Variants in CCDC141 observed in about 807,000 individuals in gnomAD.
The protein encoded by CCDC141 is coiled-coil domain-containing protein 141.
Under a neutral mutation model 181.0 loss-of-function variants are expected in CCDC141, and 168 were observed. That is an observed-to-expected ratio of 0.93 (90% CI 0.82 to 1.05). The LOEUF (loss-of-function observed/expected upper bound fraction) is 1.05. Ranked by LOEUF, CCDC141 falls within the 50% of genes least tolerant of loss-of-function variation. The pLI, the probability that CCDC141 is intolerant of heterozygous loss-of-function variation, is 0.00. For missense variants in CCDC141, 1,902 were observed against 1,788.5 expected, an observed-to-expected ratio of 1.06 and a Z score of -1.14; for synonymous variants, 666 against 642.3, an observed-to-expected ratio of 1.04 and a Z score of -0.56.
chr2:179,023,036 G>A (rs2042731766), intron 2 of CCDC141, among the ~76,000 whole-genome samples: 1 of 152,146 alleles, frequency 6.6e-6, no homozygotes, highest in Admixed American at 6.5e-5. Flanking sequence ...TGGGTATGGG[G>A]AATCGCACAA....
At position 178,841,668 on chromosome 2, in the gene CCDC141, G is replaced by T. The variant is rs138498242; in HGVS notation, c.3475-3924C>A. Among the ~76,000 whole-genome samples the T allele has an allele frequency of 9.9e-5, 15 of 152,166 alleles. No homozygotes were observed. The East Asian group carries it at 2.7e-3, about 27-fold the overall frequency. On this transcript the variant is annotated intron_variant, in intron 22 of 23. Coordinates refer to ENST00000443758, the MANE Select transcript of CCDC141 (RefSeq NM_173648.4). ...TATTCTCATTTTTATTTTTGAGATG[G>T]AGTTTCACTTTTGTTGCCAAGACTG...
intron 2 of CCDC141, among the ~76,000 whole-genome samples, chr2:179,019,025 C>T (rs111847325): frequency 4.6e-5 from 7 of 152,256 alleles, no homozygotes; most frequent in African/African-American, 1.7e-4. Context: ...GACCATGGCC[C>T]TCTTCTTTGG....
chr2:178,911,264 G>C (rs1163761491), intron 7 of CCDC141, among the ~76,000 whole-genome samples: 1 of 152,178 alleles, frequency 6.6e-6, no homozygotes, highest in African/African-American at 2.4e-5. Context: ...AGCAATTAGT[G>C]AGTGCTTAGC....
chr2:178,950,584 C>T (rs963982742), intron 5 of CCDC141, among the ~76,000 whole-genome samples: 1 of 152,056 alleles, frequency 6.6e-6, no homozygotes, highest in Admixed American at 6.6e-5. Context: ...CATTTTTAGA[C>T]GTATTCTGGG....
At chr2:178,865,338 C>G (rs1269350967) in intron 17 of CCDC141, among the ~76,000 whole-genome samples, 1 of 152,154 alleles carries the variant, frequency 6.6e-6, no homozygotes, top group Non-Finnish European at 1.5e-5. Context: ...GTCAATGACC[C>G]TTAAATAGAA....
intron 5 of CCDC141, among the ~76,000 whole-genome samples, chr2:178,951,914 C>T (rs1219767924): frequency 6.6e-6 from 1 of 152,190 alleles, no homozygotes; most frequent in African/African-American, 2.4e-5. Flanking sequence ...CCCTTACCAA[C>T]CGACTTGGGG....
At chr2:178,871,204 T>G (rs1686104923) in intron 14 of CCDC141, among the ~76,000 whole-genome samples, 1 of 152,208 alleles carries the variant, frequency 6.6e-6, no homozygotes, top group African/African-American at 2.4e-5. Context: ...TATAAAAATC[T>G]ATTTAGGACA....
intron 8 of CCDC141, among the ~76,000 whole-genome samples, chr2:178,892,667 C>G (rs923813160): frequency 6.6e-6 from 1 of 152,130 alleles, no homozygotes; most frequent in Non-Finnish European, 1.5e-5. Context: ...TCCTCAGCAC[C>G]TGAACGGCAG....
At chr2:178,840,949 A>G (rs938677568) in intron 22 of CCDC141, among the ~76,000 whole-genome samples, 1 of 152,224 alleles carries the variant, frequency 6.6e-6, no homozygotes, top group East Asian at 1.9e-4. Flanking sequence ...CCCATTAAAC[A>G]TGTTTGTTTC....
At chr2:178,845,787 G>T in intron 21 of CCDC141, 45 bp from the exon 22 acceptor site, 1 of 1,136,398 alleles carries the variant, frequency 8.8e-7, no homozygotes, top group South Asian at 1.2e-5. Flanking sequence ...AGGAAAGTTG[G>T]AGAACAGTGC....
intron 2 of CCDC141, among the ~76,000 whole-genome samples, chr2:179,033,509 G>A (rs1016420756): frequency 3.9e-5 from 6 of 151,966 alleles, no homozygotes; most frequent in African/African-American, 9.7e-5. Flanking sequence ...GTTACCTTCT[G>A]GACAGAATAC....
chr2:178,980,425 G>A (rs1301410059), intron 2 of CCDC141, among the ~76,000 whole-genome samples: 1 of 152,068 alleles, frequency 6.6e-6, no homozygotes, highest in Non-Finnish European at 1.5e-5. Flanking sequence ...ACTCCAGCCT[G>A]GGCAACAGAG....
At position 178,837,115 on chromosome 2, in the gene CCDC141, T is replaced by A; in HGVS notation, c.4104A>T (p.Ala1368=). The A allele has an allele frequency of 6.2e-7, 1 of 1,613,974 alleles. No individual in the cohort carries two copies. The change falls in exon 23 of 24, where the codon GCA becomes GCT. Residue 1368 remains alanine, a synonymous_variant. Transcript: ENST00000443758. Reference sequence around the variant, plus strand: ...CTGATTGAAACCTGAGGCCCGAGAATGCATCAGAGGAAGCATGCAGCCTAT... The same window carrying A: ...CTGATTGAAACCTGAGGCCCGAGAAAGCATCAGAGGAAGCATGCAGCCTAT... ...TQDRLHASSD[A]FSGLRFQSGT... is the part of the protein sequence containing the mutation.
intron 17 of CCDC141, among the ~76,000 whole-genome samples, chr2:178,862,786 GTCT>G (rs1685678402): frequency 6.6e-6 from 1 of 152,174 alleles, no homozygotes; most frequent in South Asian, 2.1e-4. Context: ...ATCATTCGTT[GTCT>G]CTAAGGCACA....
chr2:178,978,949 A>G (rs1173156332), intron 2 of CCDC141, among the ~76,000 whole-genome samples: 1 of 152,196 alleles, frequency 6.6e-6, no homozygotes, highest in Non-Finnish European at 1.5e-5. Context: ...TACATTCCCA[A>G]GGGGTATAGA....
At chr2:178,871,746 T>C (rs1439984183) in intron 13 of CCDC141, among the ~76,000 whole-genome samples, 194 bp from the exon 14 acceptor site, 1 of 152,064 alleles carries the variant, frequency 6.6e-6, no homozygotes, top group Non-Finnish European at 1.5e-5. Flanking sequence ...TTGGTTTTAT[T>C]GTGGTAAAAT....
intron 6 of CCDC141, 33 bp downstream of exon 6, chr2:178,944,502 A>G (rs1575248559): frequency 1.9e-6 from 2 of 1,046,896 alleles, no homozygotes; most frequent in Non-Finnish European, 2.7e-6. Flanking sequence ...TGCATTTTTC[A>G]ATTATTTTTA....
chr2:178,997,391 C>A (rs1692336227), intron 2 of CCDC141, among the ~76,000 whole-genome samples: 1 of 152,072 alleles, frequency 6.6e-6, no homozygotes, highest in Non-Finnish European at 1.5e-5. Flanking sequence ...TTCTCTTCCC[C>A]TAAGGAGCAG....
chr2:178,843,005 AC>A (rs1200718831), intron 22 of CCDC141, among the ~76,000 whole-genome samples: 1 of 151,918 alleles, frequency 6.6e-6, no homozygotes, highest in African/African-American at 2.4e-5. Flanking sequence ...GAGTGCAGGG[AC>A]CCTCCTCACC....
Sources: allele counts gnomAD v4.1 joint callset (sites outside exome capture counted in the v4.1 genomes callset), GRCh38; gene constraint gnomAD v4.1.1; transcripts MANE v1.5; gene names NCBI Gene and HGNC (gene_info 2026-07-23, HGNC 2026-07-21).